TSPEAR: variants seen among roughly 807,000 people sequenced by gnomAD.
TSPEAR encodes thrombospondin-type laminin G domain and EAR repeat-containing protein.
A neutral mutation model predicts 71.6 loss-of-function variants in TSPEAR; 69 were observed. The ratio of observed to expected loss-of-function variants is 0.96; its 90% CI spans 0.79 to 1.18. The LOEUF is 1.18. TSPEAR is among the 50% of genes most tolerant of loss of function. The probability of loss-of-function intolerance (pLI) is 0.00; values close to 1 mark genes in which losing one functional copy is unlikely to be tolerated. For synonymous variants in TSPEAR, 402 were observed against 387.2 expected, an observed-to-expected ratio of 1.04 and a Z score of -0.45; for missense variants, 971 against 894.9, an observed-to-expected ratio of 1.09 and a Z score of -1.09.
intron 9 of TSPEAR, chr21:44,515,879 A>AT (rs2052550890): frequency 6.6e-6 from 1 of 152,278 alleles, no homozygotes; most frequent in Non-Finnish European, 1.5e-5. Flanking sequence ...GATGGGCCCC[A>AT]TGAGTGAAGG....
In TSPEAR at chr21:44,551,101, A is replaced by G. The variant is rs587749085; in HGVS notation, c.303+16684T>C. 1.7e-5 allele frequency: 26 copies of G among 1,571,480 alleles called. No individual in the cohort carries two copies. In the South Asian group the frequency reaches 2.5e-4, roughly 15 times the overall value. On this transcript the variant is annotated intron_variant, in intron 2 of 11. Transcript: ENST00000323084. ...GGCTGGCAGCTAGACTGCTGGCAGC[A>G]TGAAGAAGCCCCACAGCAGACGGGC...
chr21:44,600,841 C>A (rs782593507), intron 1 of TSPEAR: 3 of 1,608,798 alleles, frequency 1.9e-6, no homozygotes, highest in Admixed American at 3.3e-5. Context: ...GACCTGTGAG[C>A]CCAGCCCCTG....
chr21:44,591,866 A>T (rs1250225722), intron 1 of TSPEAR: 1 of 1,608,088 alleles, frequency 6.2e-7, no homozygotes, highest in Non-Finnish European at 8.5e-7. Flanking sequence ...TGGCAGCATG[A>T]GGGTGTGCAG....
rs544516236 is a variant in TSPEAR at position 44,705,493 on chromosome 21, A to G, written c.82+5940T>C. Among the ~76,000 whole-genome samples, 5 of 152,392 alleles carry G rather than the reference A, an allele frequency of 3.3e-5. No individual in the cohort carries two copies. In the East Asian group the frequency reaches 9.6e-4, roughly 29 times the overall value. On this transcript the variant is annotated intron_variant, in intron 1 of 11. Transcript: ENST00000323084. Reference sequence around the variant, plus strand: ...TCTTTCAAAAGCAAATGGGAGAAATATCGCTGAATTCTTTTTCTCAGCATG... The same window carrying G: ...TCTTTCAAAAGCAAATGGGAGAAATGTCGCTGAATTCTTTTTCTCAGCATG...
At chr21:44,659,494 A>G (rs1555943282) in intron 1 of TSPEAR, among the ~76,000 whole-genome samples, 1 of 152,214 alleles carries the variant, frequency 6.6e-6, no homozygotes, top group Non-Finnish European at 1.5e-5. Context: ...ATGGCCTGAC[A>G]GGAAAAGAGA....
chr21:44,703,409 G>C (rs782570462), intron 1 of TSPEAR, among the ~76,000 whole-genome samples: 2 of 152,220 alleles, frequency 1.3e-5, no homozygotes, highest in African/African-American at 2.4e-5. Context: ...AGGGCTCCTT[G>C]GCAGGAGGGG....
rs903498597 is a variant in TSPEAR at position 44,658,908 on chromosome 21, T to C, written c.82+52525A>G. On this transcript the variant is annotated intron_variant, in intron 1 of 11. Coordinates refer to ENST00000323084, the MANE Select transcript of TSPEAR (RefSeq NM_144991.3). The stretch of plus-strand genomic sequence containing the variant: ...TCTACCCAGAAGGATGGACAAGAAA[T>C]AGTCCTGGGCCCCAGATCCCATGCA... Among the ~76,000 whole-genome samples the C allele has an allele frequency of 5.9e-5, 9 of 151,850 alleles. No homozygotes were observed. The South Asian group carries it at 1.7e-3, about 28-fold the overall frequency.
chr21:44,671,367 A>G (rs1986047495), intron 1 of TSPEAR, among the ~76,000 whole-genome samples: 1 of 152,228 alleles, frequency 6.6e-6, no homozygotes, highest in South Asian at 2.1e-4. Flanking sequence ...CTAGCACATA[A>G]GCAAGCTGTC....
In TSPEAR at chr21:44,619,229, AG is replaced by A. The variant is rs587748500; in HGVS notation, c.83-51225del. 9.8e-5 allele frequency among the ~76,000 whole-genome samples: 15 copies of A among 152,384 alleles called. No individual in the cohort carries two copies. In the South Asian group the frequency reaches 3.1e-3, roughly 32 times the overall value. On this transcript the variant is annotated intron_variant, in intron 1 of 11. Coordinates refer to ENST00000323084, the MANE Select transcript of TSPEAR (RefSeq NM_144991.3). Reference sequence around the variant, plus strand: ...ATAAGTTTTTGATTCCAGGGGTTTAAGGAACTCTCTGTCAAATTACTATCTC... The same window carrying A: ...ATAAGTTTTTGATTCCAGGGGTTTAAGAACTCTCTGTCAAATTACTATCTC...
chr21:44,633,024 T>C (rs1282731598), intron 1 of TSPEAR, among the ~76,000 whole-genome samples: 8 of 151,828 alleles, frequency 5.3e-5, no homozygotes, highest in African/African-American at 1.9e-4. Context: ...TGTACAATTG[T>C]TCATATATTC....
chr21:44,584,171 A>T (rs1286369870), intron 1 of TSPEAR, among the ~76,000 whole-genome samples: 1 of 152,214 alleles, frequency 6.6e-6, no homozygotes, highest in African/African-American at 2.4e-5. Context: ...TCCACATATA[A>T]GCGAGGTCTG....
chr21:44,525,838 A>G lies in TSPEAR; in HGVS notation c.1151T>C (p.Ile384Thr), dbSNP rs782632406. 4 of 1,613,876 alleles carry G rather than the reference A, an allele frequency of 2.5e-6. No homozygotes were observed. Among genetic ancestry groups the G allele is most frequent in the East Asian group, 4.5e-5 (2 of 44,874 alleles). ...AWRHFTIGKKIFLAVANFEPD... is the reference protein window; with the variant it reads ...AWRHFTIGKKTFLAVANFEPD... ...TTCAAAATTAGCCACTGCCAGGAAGATCTGAAAGAGAGTAAACCGGGACCA... is the reference window on the plus strand; with the variant it reads ...TTCAAAATTAGCCACTGCCAGGAAGGTCTGAAAGAGAGTAAACCGGGACCA... The change falls in exon 8 of 12, where the codon ATC becomes ACC. Residue 384 changes from isoleucine to threonine, a missense_variant and splice_region_variant. Coordinates refer to ENST00000323084, the MANE Select transcript of TSPEAR (RefSeq NM_144991.3).
Position 44,533,751 on chromosome 21 carries a change from G to A in TSPEAR, c.476C>T (p.Thr159Ile), listed in dbSNP as rs1555916003. Reference sequence around the variant, plus strand: ...GCCTGCGGACACAGCCAGGACCAGTGTGTGCCAGCGGCCATCCACCAGGGC... The same window carrying A: ...GCCTGCGGACACAGCCAGGACCAGTATGTGCCAGCGGCCATCCACCAGGGC... ...SPALVDGRWH[T>I]LVLAVSAGVF... The change falls in exon 3 of 12, where the codon ACA becomes ATA. Residue 159 changes from threonine to isoleucine, a missense_variant. Coordinates refer to ENST00000323084, the MANE Select transcript of TSPEAR (RefSeq NM_144991.3). 6 of 1,612,352 alleles carry A rather than the reference G, an allele frequency of 3.7e-6. No individual in the cohort carries two copies. The highest frequency in any genetic ancestry group is 1.1e-5 in the South Asian group (1 of 91,058).
At position 44,527,227 on chromosome 21, in the gene TSPEAR, C is replaced by T. The variant is rs1032889562; in HGVS notation, c.1149+65G>A. The T allele has an allele frequency of 1.5e-5, 24 of 1,571,192 alleles. No individual in the cohort carries two copies. In the African/African-American group the frequency reaches 2.8e-4, roughly 19 times the overall value. Reference sequence around the variant, plus strand: ...ACCTGCAGAATCAGTGTAGGGGGCCCCGCCTGTGGACTCGGGGCTTTCCAA... The same window carrying T: ...ACCTGCAGAATCAGTGTAGGGGGCCTCGCCTGTGGACTCGGGGCTTTCCAA... On this transcript the variant is annotated intron_variant, in intron 7 of 11. Transcript: ENST00000323084.
In TSPEAR at chr21:44,642,421, G is replaced by C. The variant is rs73909204; in HGVS notation, c.82+69012C>G. On this transcript the variant is annotated intron_variant, in intron 1 of 11. Transcript: ENST00000323084. This position sits in a 1 kb window ranked among gnomAD's most constrained non-coding sequence, Gnocchi z 4.1. ...TGATGCCAAAACCAGGAATAACAGC[G>C]AGAGAGATAGGACTGTAGACCAACA... Among the ~76,000 whole-genome samples, 1 of 152,154 alleles carries C rather than the reference G, an allele frequency of 6.6e-6. No homozygotes were observed. Among genetic ancestry groups the C allele is most frequent in the East Asian group, 1.9e-4 (1 of 5,200 alleles).
At chr21:44,500,098 A>G (rs1335595200) in intron 11 of TSPEAR, among the ~76,000 whole-genome samples, 162 bp from the exon 12 acceptor site, 3 of 152,182 alleles carry the variant, frequency 2.0e-5, no homozygotes, top group Middle Eastern at 3.2e-3. Context: ...ATTCTGGGCC[A>G]TGAGGGCCTT....
chr21:44,527,860 C>G (rs1245163954), intron 6 of TSPEAR, among the ~76,000 whole-genome samples: 4 of 152,198 alleles, frequency 2.6e-5, no homozygotes, highest in African/African-American at 4.8e-5. Context: ...ATGCCCATTT[C>G]CCACGGGTAA....
At chr21:44,627,051 A>G in intron 1 of TSPEAR, 1 of 1,450,754 alleles carries the variant, frequency 6.9e-7, no homozygotes, top group Admixed American at 2.1e-5. Flanking sequence ...TGGAACAACA[A>G]GGCCAGGAGG....
chr21:44,651,072 G>A (rs1984760018), intron 1 of TSPEAR, among the ~76,000 whole-genome samples: 1 of 140,914 alleles, frequency 7.1e-6, no homozygotes, highest in Non-Finnish European at 1.5e-5. Flanking sequence ...CTTGGCAGAA[G>A]GAAGCTGTTG....
Sources: gnomAD v4.1 joint callset for allele counts (sites outside exome capture counted in the v4.1 genomes callset) on GRCh38, gnomAD v4.1.1 for gene constraint, Gnocchi (gnomAD v3.1) non-coding constraint, MANE v1.5 for transcripts, NCBI Gene and HGNC (gene_info 2026-07-23, HGNC 2026-07-21) for gene names.